THSD7B: variants seen among roughly 807,000 people sequenced by gnomAD.
THSD7B encodes thrombospondin type 1 domain containing 7B.
In THSD7B, 138 loss-of-function variants were observed where a neutral mutation model predicts 213.6. The observed-to-expected ratio is 0.65, with a 90% confidence interval of 0.56 to 0.74. THSD7B has a LOEUF of 0.74. Ranked by LOEUF, THSD7B falls within the 30% of genes least tolerant of loss-of-function variation. The pLI is 0.00. For synonymous variants in THSD7B, 742 were observed against 687.0 expected, an observed-to-expected ratio of 1.08 and a Z score of -1.25; for missense variants, 1,931 against 1,991.5, an observed-to-expected ratio of 0.97 and a Z score of 0.58.
intron 7 of THSD7B, 98 bp downstream of exon 7, chr2:137,171,036 G>A (rs1680239145): frequency 7.8e-7 from 1 of 1,276,376 alleles, no homozygotes. Flanking sequence ...AGGAAGAGAA[G>A]CACAGCCTTT....
At chr2:136,835,447 A>G (rs1682828245) in intron 1 of THSD7B, among the ~76,000 whole-genome samples, 1 of 152,206 alleles carries the variant, frequency 6.6e-6, no homozygotes, top group Non-Finnish European at 1.5e-5. Context: ...AATATTGATG[A>G]TGCAAAGTAT....
At chr2:137,424,828 T>G (rs1687006263) in intron 14 of THSD7B, among the ~76,000 whole-genome samples, 1 of 151,944 alleles carries the variant, frequency 6.6e-6, no homozygotes, top group African/African-American at 2.4e-5. Flanking sequence ...TCCCAGCACT[T>G]TGGGAGGCCG....
intron 2 of THSD7B, among the ~76,000 whole-genome samples, chr2:136,935,434 G>C (rs931753434): frequency 1.7e-4 from 26 of 152,130 alleles, no homozygotes; most frequent in African/African-American, 6.0e-4. Context: ...TAACAGAGTA[G>C]TTATTATTTT....
intron 15 of THSD7B, among the ~76,000 whole-genome samples, chr2:137,525,129 T>C (rs1169724108): frequency 6.6e-6 from 1 of 152,200 alleles, no homozygotes; most frequent in Non-Finnish European, 1.5e-5. Context: ...GCTAAGAGGT[T>C]CAAAGCACCA....
chr2:137,596,395 A>G (rs896195124), intron 17 of THSD7B, among the ~76,000 whole-genome samples: 14 of 152,074 alleles, frequency 9.2e-5, no homozygotes, highest in African/African-American at 3.4e-4. Context: ...AGAAACATTA[A>G]AAATGTTTAA....
chr2:137,516,229 G>A (rs1680065230), intron 15 of THSD7B, among the ~76,000 whole-genome samples: 1 of 152,180 alleles, frequency 6.6e-6, no homozygotes, highest in Non-Finnish European at 1.5e-5. Flanking sequence ...GAAGTCTCCT[G>A]CATTCCTACT....
chr2:136,991,975 A>G (rs757587886), intron 2 of THSD7B, among the ~76,000 whole-genome samples: 1 of 152,178 alleles, frequency 6.6e-6, no homozygotes, highest in Non-Finnish European at 1.5e-5. Context: ...TAGTCACTTT[A>G]CCGTAATAAA....
At chr2:137,090,484 A>G (rs543994485) in intron 3 of THSD7B, among the ~76,000 whole-genome samples, 1 of 152,252 alleles carries the variant, frequency 6.6e-6, no homozygotes, top group Non-Finnish European at 1.5e-5. Flanking sequence ...ATTTTATAAG[A>G]GCTTCTGCCC....
chr2:137,081,230 A>G (rs994100895), intron 3 of THSD7B, among the ~76,000 whole-genome samples: 2 of 152,148 alleles, frequency 1.3e-5, no homozygotes, highest in African/African-American at 2.4e-5. Flanking sequence ...TTCAATGTAT[A>G]GATTCAAGCT....
At chr2:136,786,785 G>C (rs1278916177) in intron 1 of THSD7B, among the ~76,000 whole-genome samples, 1 of 152,078 alleles carries the variant, frequency 6.6e-6, no homozygotes, top group Admixed American at 6.6e-5. Context: ...GTGTAGGCTT[G>C]TTTTGGCATT....
At chr2:137,390,847 T>C (rs1574000200) in intron 12 of THSD7B, among the ~76,000 whole-genome samples, 1 of 152,224 alleles carries the variant, frequency 6.6e-6, no homozygotes, top group African/African-American at 2.4e-5. Flanking sequence ...GATTTGCATA[T>C]GTTGAACCAT....
intron 7 of THSD7B, among the ~76,000 whole-genome samples, chr2:137,223,740 G>T (rs1441539851): frequency 6.6e-6 from 1 of 152,132 alleles, no homozygotes; most frequent in Non-Finnish European, 1.5e-5. Context: ...GTTTGAATTT[G>T]TGACTCTACC....
intron 1 of THSD7B, among the ~76,000 whole-genome samples, chr2:136,791,104 G>C (rs144891113): frequency 6.6e-6 from 1 of 152,048 alleles, no homozygotes; most frequent in East Asian, 1.9e-4. Flanking sequence ...TGGAGAGTTG[G>C]TGATAATTGG....
At chr2:136,828,454 T>G (rs1682696092) in intron 1 of THSD7B, among the ~76,000 whole-genome samples, 1 of 152,166 alleles carries the variant, frequency 6.6e-6, no homozygotes, top group Non-Finnish European at 1.5e-5. Context: ...AGTAGTTTCT[T>G]AAATATCTCC....
rs1184229339 is a variant in THSD7B, at chr2:137,446,920, G to T, written c.2960-3925G>T. Among the ~76,000 whole-genome samples, 5 of 152,008 alleles carry T rather than the reference G, an allele frequency of 3.3e-5. No individual in the cohort carries two copies. The East Asian group carries it at 9.6e-4, about 29-fold the overall frequency. ...AATATTTAAGTGGCAGGTCAACCTT[G>T]TACATAGTCACATTTGATCATATTC... On this transcript the variant is annotated intron_variant, in intron 14 of 27. Coordinates refer to ENST00000409968, the MANE Select transcript of THSD7B (RefSeq NM_001316349.2).
intron 12 of THSD7B, among the ~76,000 whole-genome samples, chr2:137,303,214 A>G (rs1683648045): frequency 6.6e-6 from 1 of 152,154 alleles, no homozygotes; most frequent in Non-Finnish European, 1.5e-5. Flanking sequence ...GTAGAGACAT[A>G]ATCTCACTTT....
intron 14 of THSD7B, among the ~76,000 whole-genome samples, chr2:137,448,397 G>T (rs556317782): frequency 2.6e-5 from 4 of 152,310 alleles, no homozygotes; most frequent in South Asian, 2.1e-4. Flanking sequence ...ACGAGCAAAG[G>T]CTCGTGGAGA....
At chr2:137,649,517 A>G (rs1683100292) in intron 21 of THSD7B, among the ~76,000 whole-genome samples, 1 of 152,138 alleles carries the variant, frequency 6.6e-6, no homozygotes, top group African/African-American at 2.4e-5. Flanking sequence ...TTTCCCGGTA[A>G]TATTTATTGA....
intron 7 of THSD7B, among the ~76,000 whole-genome samples, chr2:137,179,228 T>C (rs1573870399): frequency 6.6e-6 from 1 of 152,188 alleles, no homozygotes; most frequent in African/African-American, 2.4e-5. Context: ...CCCCCAGACA[T>C]GTCCTAAGTT....
Sources: allele counts gnomAD v4.1 joint callset (sites outside exome capture counted in the v4.1 genomes callset), GRCh38; gene constraint gnomAD v4.1.1; transcripts MANE v1.5; gene names NCBI Gene and HGNC (gene_info 2026-07-23, HGNC 2026-07-21).